SLC24A3: variants seen among roughly 807,000 people sequenced by gnomAD.
The protein encoded by SLC24A3 is solute carrier family 24 member 3, also known as sodium/potassium/calcium exchanger 3.
Under a neutral mutation model 75.8 loss-of-function variants are expected in SLC24A3, and 28 were observed. That is an observed-to-expected ratio of 0.37 (90% CI 0.27 to 0.51). The LOEUF (loss-of-function observed/expected upper bound fraction) is 0.51. Among genes scored for constraint, SLC24A3 ranks in the 20% least tolerant of loss-of-function variants. SLC24A3 has a pLI of 0.94. For synonymous variants in SLC24A3, 372 were observed against 334.1 expected, an observed-to-expected ratio of 1.11 and a Z score of -1.24; for missense variants, 663 against 847.8, an observed-to-expected ratio of 0.78 and a Z score of 2.71.
chr20:19,422,568 C>T (rs938801805), intron 2 of SLC24A3, among the ~76,000 whole-genome samples: 2 of 152,150 alleles, frequency 1.3e-5, no homozygotes, highest in Non-Finnish European at 2.9e-5. Flanking sequence ...TCATTCTCAA[C>T]CCTGGCTGCA....
chr20:19,251,216 C>G (rs1982645187), intron 1 of SLC24A3, among the ~76,000 whole-genome samples: 1 of 152,180 alleles, frequency 6.6e-6, no homozygotes, highest in Admixed American at 6.5e-5. Flanking sequence ...CTGATACAAG[C>G]TTTTAGGCCA....
At position 19,553,376 on chromosome 20, in the gene SLC24A3, T is replaced by G. The variant is rs115909001; in HGVS notation, c.349-26624T>G. On this transcript the variant is annotated intron_variant, in intron 3 of 16. Coordinates refer to ENST00000328041, the MANE Select transcript of SLC24A3 (RefSeq NM_020689.4). ...AATAGACCAGTTTCTGTATGTGACTTGCTGCATCACAAGGAAGTAAGGTGA... is the reference window on the plus strand; with the variant it reads ...AATAGACCAGTTTCTGTATGTGACTGGCTGCATCACAAGGAAGTAAGGTGA... Among the ~76,000 whole-genome samples, 280 of 152,204 alleles carry G rather than the reference T, an allele frequency of 1.8e-3. 1 individual carries two copies. The highest frequency in any genetic ancestry group is 6.3e-3 in the African/African-American group (260 of 41,540).
chr20:19,593,086 G>T (rs150916999), intron 6 of SLC24A3, among the ~76,000 whole-genome samples: 137 of 152,224 alleles, frequency 9.0e-4, no homozygotes, highest in African/African-American at 3.1e-3. Flanking sequence ...GTGAGCCACC[G>T]CACATGGCTG....
chr20:19,374,623 C>T (rs1986049225), intron 2 of SLC24A3, among the ~76,000 whole-genome samples: 1 of 152,214 alleles, frequency 6.6e-6, no homozygotes, highest in African/African-American at 2.4e-5. Context: ...ACTTGATTCT[C>T]ACCCCAAGCC....
At chr20:19,693,104 G>T in intron 12 of SLC24A3, 155 bp from the exon 13 acceptor site, 1 of 830,768 alleles carries the variant, frequency 1.2e-6, no homozygotes, top group Non-Finnish European at 1.8e-6. Context: ...CGTTGGTGAT[G>T]GAAAGTCATT....
chr20:19,549,552 G>C (rs2030657746), intron 3 of SLC24A3, among the ~76,000 whole-genome samples: 1 of 152,244 alleles, frequency 6.6e-6, no homozygotes, highest in African/African-American at 2.4e-5. Context: ...GGGAGGCCAA[G>C]GCGGGCGGAT....
chr20:19,598,944 C>T (rs2031487798), intron 6 of SLC24A3, among the ~76,000 whole-genome samples: 2 of 152,090 alleles, frequency 1.3e-5, no homozygotes, highest in East Asian at 1.9e-4. Context: ...CTTTCTTTTA[C>T]TCCCAGTTGC....
intron 2 of SLC24A3, among the ~76,000 whole-genome samples, chr20:19,362,442 T>C: frequency 6.6e-6 from 1 of 152,218 alleles, no homozygotes; most frequent in East Asian, 1.9e-4. Context: ...GTGGAAATGG[T>C]AATATCTAAA....
chr20:19,280,983 G>A lies in SLC24A3; in HGVS notation c.167G>A (p.Gly56Glu). ...QKELDLMDLV[G>E]EDRKWMMARK... ...GAGCTTGACCTCATGGACCTCGTAG[G>A]GGAAGACAGAAAGTGGATGATGGCG... Residue 56 changes from glycine (G) to glutamate (E), a missense_variant, in exon 2 of 17, where the codon GGG becomes GAG. Gly to Glu is a moderately conservative substitution (Grantham distance 98). This residue lies in a region of SLC24A3 where 153 missense variants were observed against 144.2 expected (regional missense o/e 1.06). Coordinates refer to ENST00000328041, the MANE Select transcript of SLC24A3 (RefSeq NM_020689.4). 1.2e-6 allele frequency: 2 copies of A among 1,613,954 alleles called. No homozygotes were observed. The highest frequency in any genetic ancestry group is 1.7e-6 in the Non-Finnish European group (2 of 1,179,934).
intron 2 of SLC24A3, among the ~76,000 whole-genome samples, chr20:19,333,498 T>C (rs1277399761): frequency 6.6e-6 from 1 of 152,066 alleles, no homozygotes; most frequent in Admixed American, 6.6e-5. Context: ...ACCAAAGCGG[T>C]TTGTGGTATC....
At chr20:19,618,040 C>A (rs1349586155) in intron 6 of SLC24A3, among the ~76,000 whole-genome samples, 2 of 151,838 alleles carry the variant, frequency 1.3e-5, no homozygotes, top group African/African-American at 2.4e-5. Flanking sequence ...CTCCTCCTAG[C>A]ATTTCCACGG....
intron 4 of SLC24A3, among the ~76,000 whole-genome samples, chr20:19,583,847 G>A (rs371598320): frequency 6.6e-6 from 1 of 152,170 alleles, no homozygotes; most frequent in African/African-American, 2.4e-5. Flanking sequence ...GGATCTGCTC[G>A]GCATCCCATG....
chr20:19,480,552 C>T (rs1369825970), intron 2 of SLC24A3, among the ~76,000 whole-genome samples: 1 of 152,212 alleles, frequency 6.6e-6, no homozygotes, highest in Non-Finnish European at 1.5e-5. Context: ...GCCTACCTGA[C>T]ATGTGGTGGC....
At chr20:19,526,781 C>T (rs1430631151) in intron 3 of SLC24A3, among the ~76,000 whole-genome samples, 1 of 152,090 alleles carries the variant, frequency 6.6e-6, no homozygotes, top group African/African-American at 2.4e-5. Context: ...AGTTATTTTC[C>T]TTCTGTCTAT....
At position 19,532,432 on chromosome 20, in the gene SLC24A3, A is replaced by C. The variant is rs6136767; in HGVS notation, c.348+16868A>C. Among the ~76,000 whole-genome samples the C allele has an allele frequency of 6.5e-3, 983 of 152,262 alleles. 23 individuals are homozygous for C. Among genetic ancestry groups the C allele is most frequent in the East Asian group, 0.064 (329 of 5,176 alleles). ...TGCCCAAGTCCACTGTGGTTCATGG[A>C]GTCACCACCACAGTGGGGCCCCATC... On this transcript the variant is annotated intron_variant, in intron 3 of 16. Coordinates refer to ENST00000328041, the MANE Select transcript of SLC24A3 (RefSeq NM_020689.4).
chr20:19,531,196 G>A (rs2030292184), intron 3 of SLC24A3, among the ~76,000 whole-genome samples: 1 of 152,120 alleles, frequency 6.6e-6, no homozygotes, highest in African/African-American at 2.4e-5. Context: ...CAGGCCACTG[G>A]TCACCCATTT....
chr20:19,278,786 C>G (rs1983566839), intron 1 of SLC24A3, among the ~76,000 whole-genome samples: 1 of 152,096 alleles, frequency 6.6e-6, no homozygotes, highest in Non-Finnish European at 1.5e-5. Context: ...GGAAAAAAAC[C>G]TGGGGGGCTC....
chr20:19,507,298 TG>T (rs1291560269), intron 2 of SLC24A3, among the ~76,000 whole-genome samples: 1 of 152,126 alleles, frequency 6.6e-6, no homozygotes, highest in Non-Finnish European at 1.5e-5. Flanking sequence ...AACCAAAAAT[TG>T]CTGCAAGGCA....
chr20:19,417,594 T>C (rs1448040871), intron 2 of SLC24A3, among the ~76,000 whole-genome samples: 2 of 152,120 alleles, frequency 1.3e-5, no homozygotes, highest in African/African-American at 4.8e-5. Context: ...GTGCCAGATA[T>C]CCATAAATGT....
Sources: gnomAD v4.1 joint callset for allele counts (sites outside exome capture counted in the v4.1 genomes callset) on GRCh38, gnomAD v4.1.1 for gene constraint, gnomAD v4.1.1 regional missense constraint, MANE v1.5 for transcripts, NCBI Gene and HGNC (gene_info 2026-07-23, HGNC 2026-07-21) for gene names.